Variants in RAD51B observed in about 807,000 individuals in gnomAD.
The protein encoded by RAD51B is RAD51 paralog B.
Under a neutral mutation model 42.2 loss-of-function variants are expected in RAD51B, and 38 were observed. The ratio of observed to expected loss-of-function variants is 0.90; its 90% CI spans 0.70 to 1.18. The LOEUF (loss-of-function observed/expected upper bound fraction) is 1.18. Among genes scored for constraint, RAD51B ranks in the 50% most tolerant of loss-of-function variants. RAD51B has a pLI of 0.00. For synonymous variants in RAD51B, 154 were observed against 145.2 expected (o/e 1.06, Z -0.43); for missense variants, 373 against 400.7 (o/e 0.93, Z 0.59).
chr14:67,944,214 T>G (rs1002300538), intron 7 of RAD51B, among the ~76,000 whole-genome samples: 27 of 151,732 alleles, frequency 1.8e-4, no homozygotes, highest in Non-Finnish European at 3.5e-4. Context: ...TTTTTTTTTT[T>G]TTTTTTTTGA....
At chr14:68,043,963 C>T (rs1004469390) in intron 7 of RAD51B, among the ~76,000 whole-genome samples, 1 of 152,152 alleles carries the variant, frequency 6.6e-6, no homozygotes, top group African/African-American at 2.4e-5. Flanking sequence ...AGTACCAAAC[C>T]ATAAACTTTT....
chr14:68,147,559 C>T (rs752157661), intron 7 of RAD51B, among the ~76,000 whole-genome samples: 3 of 152,114 alleles, frequency 2.0e-5, no homozygotes, highest in Non-Finnish European at 2.9e-5. Flanking sequence ...ATTTCATCAC[C>T]ATCTGTATTA....
intron 7 of RAD51B, among the ~76,000 whole-genome samples, chr14:68,188,943 G>A (rs916384891): frequency 2.6e-5 from 4 of 151,762 alleles, no homozygotes; most frequent in East Asian, 1.9e-4. Context: ...GGTGAAACTC[G>A]TATGTTTATA....
rs776489268 is a variant in RAD51B at position 68,236,021 on chromosome 14, C to T, written c.757-55863C>T. The stretch of plus-strand genomic sequence containing the variant: ...CTAAACATTGAGCTAAACATATAGA[C>T]ACAAAGAAGGGAATAACAGACACCA... On this transcript the variant is annotated intron_variant, in intron 7 of 10. Transcript: ENST00000471583. Among the ~76,000 whole-genome samples, 57 of 152,060 alleles carry T rather than the reference C, an allele frequency of 3.7e-4. 1 individual carries two copies. Among genetic ancestry groups the T allele is most frequent in the Admixed American group, 3.7e-3 (57 of 15,258 alleles).
intron 10 of RAD51B, among the ~76,000 whole-genome samples, chr14:68,649,524 T>C (rs1892656172): frequency 6.6e-6 from 1 of 152,236 alleles, no homozygotes; most frequent in South Asian, 2.1e-4. Flanking sequence ...AAGTGTCCAT[T>C]GGCCATTAGC....
At chr14:68,531,042 T>C (rs10146633) in intron 10 of RAD51B, among the ~76,000 whole-genome samples, 168 of 152,022 alleles carry the variant, frequency 1.1e-3, no homozygotes, top group African/African-American at 3.9e-3. Context: ...TAAATGTGTA[T>C]GGTAAAACTT....
At chr14:67,839,496 C>A (rs2041355004) in intron 4 of RAD51B, among the ~76,000 whole-genome samples, 1 of 151,912 alleles carries the variant, frequency 6.6e-6, no homozygotes, top group South Asian at 2.1e-4. Context: ...GCTCTTAAAT[C>A]TGGTTTTACA....
intron 7 of RAD51B, among the ~76,000 whole-genome samples, chr14:68,004,479 C>T (rs925174718): frequency 6.6e-6 from 1 of 151,246 alleles, no homozygotes; most frequent in South Asian, 2.1e-4. Context: ...ATTTTCTATT[C>T]TCTGGAAAAA....
chr14:68,575,632 C>T (rs1260649400), intron 10 of RAD51B, among the ~76,000 whole-genome samples: 1 of 152,188 alleles, frequency 6.6e-6, no homozygotes, highest in Non-Finnish European at 1.5e-5. Context: ...GGGATTCTCC[C>T]AATGAGGAAG....
At chr14:68,109,024 A>T (rs944678141) in intron 7 of RAD51B, among the ~76,000 whole-genome samples, 3 of 151,970 alleles carry the variant, frequency 2.0e-5, no homozygotes, top group Non-Finnish European at 4.4e-5. Flanking sequence ...ACAGAGCAAT[A>T]TGATATATTT....
intron 4 of RAD51B, among the ~76,000 whole-genome samples, chr14:67,835,505 TTA>T (rs1206471905): frequency 6.6e-6 from 1 of 151,812 alleles, no homozygotes; most frequent in Non-Finnish European, 1.5e-5. Context: ...TACATATATG[TTA>T]TATATACATA....
intron 7 of RAD51B, among the ~76,000 whole-genome samples, chr14:68,163,271 A>G (rs1016870736): frequency 3.9e-5 from 6 of 152,234 alleles, no homozygotes; most frequent in African/African-American, 1.4e-4. Flanking sequence ...AGTTTTATAC[A>G]AATAATTCTT....
At chr14:68,056,536 C>T (rs2076478090) in intron 7 of RAD51B, among the ~76,000 whole-genome samples, 1 of 151,806 alleles carries the variant, frequency 6.6e-6, no homozygotes, top group African/African-American at 2.4e-5. Context: ...ATTGCCTGAG[C>T]TCAGGAGTTT....
chr14:68,683,044 C>A (rs374655734), intron 11 of RAD51B: 1 of 720,686 alleles, frequency 1.4e-6, no homozygotes, highest in Non-Finnish European at 1.7e-6. Flanking sequence ...AGTAATCGCC[C>A]AAAATATGCC....
At chr14:68,052,663 C>T (rs2076412303) in intron 7 of RAD51B, among the ~76,000 whole-genome samples, 2 of 151,754 alleles carry the variant, frequency 1.3e-5, no homozygotes, top group East Asian at 3.9e-4. Context: ...CTCTGTTGCC[C>T]AGGCTGGAGT....
chr14:68,433,101 T>C (rs917248009), intron 9 of RAD51B, among the ~76,000 whole-genome samples: 1 of 152,250 alleles, frequency 6.6e-6, no homozygotes, highest in African/African-American at 2.4e-5. Flanking sequence ...CTTGTAGAGT[T>C]TCTGCTGAGA....
chr14:68,171,281 C>T (rs1045337570), intron 7 of RAD51B, among the ~76,000 whole-genome samples: 2 of 152,018 alleles, frequency 1.3e-5, no homozygotes, highest in Non-Finnish European at 2.9e-5. Flanking sequence ...AAGACTACAG[C>T]GTCCTATTTT....
chr14:68,249,998 C>G (rs1008102004), intron 7 of RAD51B, among the ~76,000 whole-genome samples: 1 of 152,162 alleles, frequency 6.6e-6, no homozygotes, highest in Admixed American at 6.5e-5. Flanking sequence ...CATAAAAATT[C>G]CAAAGCAGGA....
At chr14:68,278,963 G>T (rs1305758575) in intron 7 of RAD51B, among the ~76,000 whole-genome samples, 1 of 151,842 alleles carries the variant, frequency 6.6e-6, no homozygotes, top group Non-Finnish European at 1.5e-5. Flanking sequence ...CCTAACAAAT[G>T]ACCATTTCAT....
Sources: allele counts gnomAD v4.1 joint callset (sites outside exome capture counted in the v4.1 genomes callset), GRCh38; gene constraint gnomAD v4.1.1; transcripts MANE v1.5; gene names NCBI Gene and HGNC (gene_info 2026-07-23, HGNC 2026-07-21).